Variants in COL25A1 observed in about 807,000 individuals in gnomAD.
The protein encoded by COL25A1 is collagen alpha-1(XXV) chain.
A neutral mutation model predicts 128.4 loss-of-function variants in COL25A1; 103 were observed. That is an observed-to-expected ratio of 0.80 (90% CI 0.68 to 0.94). COL25A1 has a LOEUF of 0.94. Ranked by LOEUF, COL25A1 falls within the 40% of genes least tolerant of loss-of-function variation. The pLI, the probability that COL25A1 is intolerant of heterozygous loss-of-function variation, is 0.00. For synonymous variants in COL25A1, 279 were observed against 277.2 expected, an observed-to-expected ratio of 1.01 and a Z score of -0.06; for missense variants, 745 against 840.0, an observed-to-expected ratio of 0.89 and a Z score of 1.40.
chr4:108,967,615 G>T (rs1751459360), intron 8 of COL25A1, among the ~76,000 whole-genome samples: 1 of 152,130 alleles, frequency 6.6e-6, no homozygotes, highest in African/African-American at 2.4e-5. Context: ...AGCCCATGTG[G>T]ATAATCATTT....
intron 3 of COL25A1, among the ~76,000 whole-genome samples, chr4:109,086,926 G>C (rs1764444715): frequency 6.6e-6 from 1 of 152,168 alleles, no homozygotes; most frequent in Non-Finnish European, 1.5e-5. Context: ...TGCTGACATG[G>C]AGTGCTGTCT....
intron 3 of COL25A1, among the ~76,000 whole-genome samples, chr4:109,053,033 T>C (rs957125376): frequency 3.3e-5 from 5 of 152,028 alleles, no homozygotes; most frequent in African/African-American, 9.7e-5. Context: ...CAAAAGAAAC[T>C]GGTTCAAGAA....
At chr4:108,867,172 T>G (rs1339407342) in intron 20 of COL25A1, among the ~76,000 whole-genome samples, 1 of 152,238 alleles carries the variant, frequency 6.6e-6, no homozygotes, top group Non-Finnish European at 1.5e-5. Context: ...CACTCTCTAC[T>G]GCTTGTGTTT....
intron 13 of COL25A1, among the ~76,000 whole-genome samples, chr4:108,916,765 T>C (rs1291794878): frequency 6.6e-6 from 1 of 152,200 alleles, no homozygotes; most frequent in Non-Finnish European, 1.5e-5. Context: ...ATTCTGTCTT[T>C]GCCAGGATTT....
At chr4:109,025,001 T>C (rs780017011) in intron 5 of COL25A1, among the ~76,000 whole-genome samples, 9 of 152,218 alleles carry the variant, frequency 5.9e-5, no homozygotes, top group Non-Finnish European at 8.8e-5. Context: ...CTGCTAGGCA[T>C]AGAGGCCCTT....
At chr4:108,920,178 A>G (rs12504037) in intron 12 of COL25A1, among the ~76,000 whole-genome samples, 29,563 of 152,214 alleles carry the variant, frequency 0.19, 3,044 homozygotes, top group Non-Finnish European at 0.22. Context: ...CTACTTGAAT[A>G]TAGTGAACCC....
At chr4:108,984,105 T>C (rs990633112) in intron 6 of COL25A1, among the ~76,000 whole-genome samples, 2 of 152,136 alleles carry the variant, frequency 1.3e-5, no homozygotes, top group African/African-American at 4.8e-5. Flanking sequence ...ATTAGCTAGA[T>C]ACAGACTGTC....
At chr4:109,131,590 G>A (rs995537450) in intron 3 of COL25A1, among the ~76,000 whole-genome samples, 3 of 152,204 alleles carry the variant, frequency 2.0e-5, no homozygotes, top group African/African-American at 7.2e-5. Flanking sequence ...ACAGGGAGAT[G>A]AAAGCTGTGT....
At chr4:109,278,275 G>A (rs768966624) in intron 3 of COL25A1, among the ~76,000 whole-genome samples, 4 of 152,130 alleles carry the variant, frequency 2.6e-5, no homozygotes, top group African/African-American at 4.8e-5. Context: ...CAGAGAACAC[G>A]CAGCTATGTA....
intron 3 of COL25A1, among the ~76,000 whole-genome samples, chr4:109,134,237 C>T (rs1174115092): frequency 6.7e-6 from 1 of 148,624 alleles, no homozygotes; most frequent in Non-Finnish European, 1.5e-5. Flanking sequence ...CTTTAAGAGT[C>T]GTAAGTAGGA....
intron 15 of COL25A1, among the ~76,000 whole-genome samples, chr4:108,898,258 C>G (rs899178345): frequency 6.6e-5 from 10 of 152,080 alleles, no homozygotes; most frequent in African/African-American, 1.9e-4. Context: ...TTTTGCTCCC[C>G]CTCCATTAAA....
chr4:109,218,677 ATCACTAAT>A (rs1476115016), intron 3 of COL25A1, among the ~76,000 whole-genome samples: 1 of 152,026 alleles, frequency 6.6e-6, no homozygotes, highest in African/African-American at 2.4e-5. Context: ...AATATTATAT[ATCACTAAT>A]TTTTATCCTC....
At chr4:109,188,144 G>A (rs540738336) in intron 3 of COL25A1, among the ~76,000 whole-genome samples, 1 of 152,342 alleles carries the variant, frequency 6.6e-6, no homozygotes, top group South Asian at 2.1e-4. Flanking sequence ...TAGAGCCGAT[G>A]TTCCGATGCT....
At chr4:109,199,144 G>T (rs982246003) in intron 3 of COL25A1, among the ~76,000 whole-genome samples, 3 of 152,022 alleles carry the variant, frequency 2.0e-5, no homozygotes, top group African/African-American at 7.2e-5. Context: ...AGAATGCAAA[G>T]GATCTTTAGT....
At chr4:109,290,292 A>C (rs1724341538) in intron 3 of COL25A1, among the ~76,000 whole-genome samples, 1 of 152,138 alleles carries the variant, frequency 6.6e-6, no homozygotes, top group Non-Finnish European at 1.5e-5. Context: ...TGGTAAATAA[A>C]TTTTACCACC....
rs1578542250 is a variant in COL25A1 at position 109,247,788 on chromosome 4, T to C, written c.367+52795A>G. On this transcript the variant is annotated intron_variant, in intron 3 of 37. Transcript: ENST00000399132. ...AAAGATCAAAACCTAAAGTAAAGATTTGAGATTCACCAGAACAGATGACAC... is the reference window on the plus strand; with the variant it reads ...AAAGATCAAAACCTAAAGTAAAGATCTGAGATTCACCAGAACAGATGACAC... 2.0e-5 allele frequency among the ~76,000 whole-genome samples: 3 copies of C among 152,130 alleles called. No individual in the cohort carries two copies. The South Asian group carries it at 6.2e-4, about 32-fold the overall frequency.
chr4:109,097,048 C>CT (rs1765456812), intron 3 of COL25A1, among the ~76,000 whole-genome samples: 1 of 152,170 alleles, frequency 6.6e-6, no homozygotes, highest in South Asian at 2.1e-4. Context: ...CTTCAGGTTA[C>CT]TTTCTCTGTA....
chr4:108,937,878 G>A lies in COL25A1; in HGVS notation c.673-35C>T, dbSNP rs145009439. 1.7e-3 allele frequency: 2,559 copies of A among 1,549,046 alleles called. 32 individuals are homozygous for A. The African/African-American group carries it at 0.029, about 17-fold the overall frequency. On this transcript the variant is annotated intron_variant, in intron 10 of 37. Coordinates refer to ENST00000399132, the MANE Select transcript of COL25A1 (RefSeq NM_198721.4). The stretch of plus-strand genomic sequence containing the variant: ...GAATAGTGATAATTTTAGTAACGCT[G>A]TAAGTATTTAAAAAAAAACCCTTCA...
At chr4:109,237,614 T>C (rs1779560742) in intron 3 of COL25A1, among the ~76,000 whole-genome samples, 1 of 150,516 alleles carries the variant, frequency 6.6e-6, no homozygotes, top group South Asian at 2.1e-4. Flanking sequence ...AATGGCTTGA[T>C]GGCAATCTTT....
Sources: gnomAD v4.1 joint callset for allele counts (sites outside exome capture counted in the v4.1 genomes callset) on GRCh38, gnomAD v4.1.1 for gene constraint, MANE v1.5 for transcripts, NCBI Gene and HGNC (gene_info 2026-07-23, HGNC 2026-07-21) for gene names.